GSTCD: variants seen among roughly 807,000 people sequenced by gnomAD.
GSTCD encodes the protein glutathione S-transferase C-terminal domain-containing protein.
A neutral mutation model predicts 68.3 loss-of-function variants in GSTCD; 44 were observed. The observed-to-expected ratio is 0.64, with a 90% CI of 0.51 to 0.83. The LOEUF is 0.83. GSTCD is among the 40% of genes least tolerant of loss of function. The probability of loss-of-function intolerance (pLI) is 0.00; values close to 1 mark genes in which losing one functional copy is unlikely to be tolerated. For synonymous variants in GSTCD, 273 were observed against 255.2 expected (o/e 1.07, Z -0.67); for missense variants, 739 against 735.9 (o/e 1.00, Z -0.05).
intron 3 of GSTCD, among the ~76,000 whole-genome samples, chr4:105,722,697 CAG>C (rs1024905725): frequency 1.3e-4 from 19 of 151,908 alleles, no homozygotes; most frequent in Middle Eastern, 3.4e-3. Flanking sequence ...CAATTAACTA[CAG>C]AGTTACTAAA....
At chr4:105,748,721 T>C (rs1358960347) in intron 5 of GSTCD, among the ~76,000 whole-genome samples, 5 of 151,974 alleles carry the variant, frequency 3.3e-5, no homozygotes, top group African/African-American at 1.2e-4. Flanking sequence ...AATAGATATA[T>C]ATTACATACG....
chr4:105,842,179 A>G (rs1724377573), intron 11 of GSTCD, 45 bp downstream of exon 11: 1 of 1,449,796 alleles, frequency 6.9e-7, no homozygotes, highest in African/African-American at 1.4e-5. Flanking sequence ...TATGCACAAT[A>G]TGACTGGGAA....
intron 9 of GSTCD, among the ~76,000 whole-genome samples, chr4:105,837,139 G>A (rs928788680): frequency 6.6e-6 from 1 of 152,142 alleles, no homozygotes; most frequent in Admixed American, 6.5e-5. Context: ...TAATCCTGGA[G>A]AGACTGTTCC....
intron 5 of GSTCD, among the ~76,000 whole-genome samples, chr4:105,787,074 AC>A (rs1460932710): frequency 6.6e-6 from 1 of 152,078 alleles, no homozygotes; most frequent in Non-Finnish European, 1.5e-5. Flanking sequence ...GTATCCATCA[AC>A]AGTAATATAT....
intron 5 of GSTCD, among the ~76,000 whole-genome samples, chr4:105,776,918 A>G (rs1156957572): frequency 7.9e-5 from 12 of 152,150 alleles, no homozygotes; most frequent in Admixed American, 7.9e-4. Context: ...ATGCTGCAGT[A>G]TGCTTTGGGG....
intron 1 of GSTCD, among the ~76,000 whole-genome samples, chr4:105,712,025 A>G (rs897405802): frequency 4.6e-5 from 7 of 152,278 alleles, no homozygotes; most frequent in Admixed American, 3.3e-4. Context: ...TTTGGAAAAG[A>G]AAGAATGGTG....
chr4:105,717,819 A>G lies in GSTCD; in HGVS notation c.206A>G (p.Gln69Arg), dbSNP rs1732729179. 1 of 1,613,960 alleles carries G rather than the reference A, an allele frequency of 6.2e-7. No homozygotes were observed. The highest frequency in any genetic ancestry group is 1.7e-5 in the Admixed American group (1 of 59,980). ...TCACTACTAAGAGATGACCTGATCC[A>G]GGATGTTGAAATACAGATTATTTCA... ...DSSLLRDDLI[Q>R]DVEIQIISRQ... Residue 69 changes from glutamine to arginine, a missense_variant, in exon 2 of 12, where the codon CAG (glutamine) becomes CGG (arginine). Coordinates refer to ENST00000515279, the MANE Select transcript of GSTCD (RefSeq NM_001370181.1).
intron 5 of GSTCD, among the ~76,000 whole-genome samples, chr4:105,756,842 C>T (rs75156726): frequency 0.054 from 8,170 of 152,036 alleles, 254 homozygotes; most frequent in Middle Eastern, 0.14. Flanking sequence ...AAGTTACATG[C>T]ATTGTGTAAT....
rs372971193 is a variant in GSTCD, at chr4:105,845,924, G to A, written c.*347G>A. ...CCAATGTGATGTTTAATTCAAAACA[G>A]CGCACTTACAGCCTTTATTTTATAC... On this transcript the variant is annotated 3_prime_UTR_variant, in exon 12 of 12. Coordinates refer to ENST00000515279, the MANE Select transcript of GSTCD (RefSeq NM_001370181.1). 4.8e-6 allele frequency: 1 copy of A among 207,994 alleles called. No homozygotes were observed. The highest frequency in any genetic ancestry group is 1.0e-4 in the East Asian group (1 of 10,044). 12.9% of individuals were successfully genotyped at this position (207,994 alleles called of 1,614,324 possible). A position where few individuals can be genotyped will look rare whatever the true frequency, so the allele number is the denominator to read the frequency against.
intron 5 of GSTCD, among the ~76,000 whole-genome samples, chr4:105,743,417 A>T (rs934819586): frequency 6.6e-6 from 1 of 152,106 alleles, no homozygotes; most frequent in African/African-American, 2.4e-5. Context: ...TTGAAACTAC[A>T]GATCCTTTAT....
chr4:105,710,519 G>T (rs1449989956), intron 1 of GSTCD, among the ~76,000 whole-genome samples: 4 of 150,846 alleles, frequency 2.7e-5, no homozygotes, highest in African/African-American at 9.8e-5. Flanking sequence ...GTGAGCCACC[G>T]CGCCCGGCCT....
chr4:105,734,007 T>G (rs576843628), intron 5 of GSTCD, among the ~76,000 whole-genome samples: 1 of 152,230 alleles, frequency 6.6e-6, no homozygotes, highest in Admixed American at 6.5e-5. Flanking sequence ...GAATGTTGAA[T>G]ATTGGCCCCC....
intron 5 of GSTCD, among the ~76,000 whole-genome samples, chr4:105,758,993 G>A (rs1236425545): frequency 6.6e-6 from 1 of 152,152 alleles, no homozygotes; most frequent in Non-Finnish European, 1.5e-5. Flanking sequence ...TTAACAAAAT[G>A]AATATATTAA....
chr4:105,756,962 T>TA (rs1333711919), intron 5 of GSTCD, among the ~76,000 whole-genome samples: 1 of 152,168 alleles, frequency 6.6e-6, no homozygotes, highest in Non-Finnish European at 1.5e-5. Context: ...TCTATGCAAA[T>TA]CGCTTGTTGT....
intron 5 of GSTCD, among the ~76,000 whole-genome samples, chr4:105,797,925 T>C (rs1735966239): frequency 6.6e-6 from 1 of 151,948 alleles, no homozygotes; most frequent in Non-Finnish European, 1.5e-5. Flanking sequence ...TGCACCACCA[T>C]ACCTGGCTGA....
At chr4:105,779,912 G>C (rs1334327674) in intron 5 of GSTCD, among the ~76,000 whole-genome samples, 3 of 152,154 alleles carry the variant, frequency 2.0e-5, no homozygotes, top group Non-Finnish European at 2.9e-5. Context: ...TAAATCAACA[G>C]TGCTCTTTTA....
At chr4:105,844,498 G>C (rs943503546) in intron 11 of GSTCD, among the ~76,000 whole-genome samples, 2 of 151,972 alleles carry the variant, frequency 1.3e-5, no homozygotes, top group Admixed American at 6.6e-5. Context: ...TGAGGATTCT[G>C]TTGTTCATAG....
intron 5 of GSTCD, among the ~76,000 whole-genome samples, chr4:105,739,120 G>T (rs183502123): frequency 7.9e-5 from 12 of 152,080 alleles, no homozygotes; most frequent in African/African-American, 2.9e-4. Context: ...TCATTCTGTT[G>T]ATATAATGTA....
At chr4:105,800,554 GT>G (rs1185514905) in intron 5 of GSTCD, among the ~76,000 whole-genome samples, 1 of 152,112 alleles carries the variant, frequency 6.6e-6, no homozygotes, top group Non-Finnish European at 1.5e-5. Context: ...TGAAAAATAT[GT>G]TTAAGCCTAT....
Sources: gnomAD v4.1 joint callset for allele counts (sites outside exome capture counted in the v4.1 genomes callset) on GRCh38, gnomAD v4.1.1 for gene constraint, MANE v1.5 for transcripts, NCBI Gene and HGNC (gene_info 2026-07-23, HGNC 2026-07-21) for gene names.